GATAD2A: variants seen among roughly 807,000 people sequenced by gnomAD.
GATAD2A encodes GATA zinc finger domain containing 2A.
GATAD2A carries 12 observed loss-of-function variants against 68.5 expected under a neutral mutation model. The ratio of observed to expected loss-of-function variants is 0.18; its 90% CI spans 0.11 to 0.28. The LOEUF is 0.28. Ranked by LOEUF, GATAD2A falls within the 10% of genes least tolerant of loss-of-function variation. The pLI, the probability that GATAD2A is intolerant of heterozygous loss-of-function variation, is 1.00. For missense variants in GATAD2A, 755 were observed against 868.5 expected (o/e 0.87, Z 1.64); for synonymous variants, 410 against 375.3 (o/e 1.09, Z -1.07).
intron 1 of GATAD2A, among the ~76,000 whole-genome samples, chr19:19,430,977 GTGTGTGTGTGTGTGTGTGTGT>G (rs1453354004): frequency 1.1e-4 from 5 of 45,720 alleles, no homozygotes; most frequent in African/African-American, 7.4e-4. Flanking sequence ...TATGGTAGGG[GTGTGTGTGTGTGTGTGTGTGT>G]GTGTGTGTGT....
chr19:19,456,640 C>G (rs766103212), intron 1 of GATAD2A, among the ~76,000 whole-genome samples: 3 of 152,190 alleles, frequency 2.0e-5, no homozygotes, highest in Admixed American at 6.5e-5. Flanking sequence ...TGCGCTACAG[C>G]AGAACTTAAC....
At chr19:19,432,808 G>C (rs985588834) in intron 1 of GATAD2A, among the ~76,000 whole-genome samples, 1 of 152,228 alleles carries the variant, frequency 6.6e-6, no homozygotes, top group African/African-American at 2.4e-5. Flanking sequence ...GCTTGGGTCT[G>C]CAGGCAGTGT....
chr19:19,464,052 C>T (rs2057680693), intron 1 of GATAD2A, among the ~76,000 whole-genome samples: 1 of 152,140 alleles, frequency 6.6e-6, no homozygotes, highest in Non-Finnish European at 1.5e-5. Flanking sequence ...CCTTGTGCTG[C>T]CCCCAGCTTC....
intron 1 of GATAD2A, among the ~76,000 whole-genome samples, chr19:19,422,602 C>A (rs1337305840): frequency 1.3e-5 from 2 of 152,178 alleles, no homozygotes; most frequent in Non-Finnish European, 2.9e-5. Flanking sequence ...TCTGAGGAGC[C>A]CTTGCTCTTC....
chr19:19,463,138 C>T (rs1410311793), intron 1 of GATAD2A, among the ~76,000 whole-genome samples: 2 of 152,156 alleles, frequency 1.3e-5, no homozygotes, highest in African/African-American at 4.8e-5. Flanking sequence ...TCATCTCTCA[C>T]CTAAACAGGC....
intron 2 of GATAD2A, among the ~76,000 whole-genome samples, chr19:19,466,239 A>G (rs1180168687): frequency 2.0e-5 from 3 of 152,174 alleles, no homozygotes; most frequent in Non-Finnish European, 4.4e-5. Context: ...ATAAGACCCA[A>G]TCTACCACCT....
intron 1 of GATAD2A, among the ~76,000 whole-genome samples, chr19:19,425,770 A>G (rs2053001107): frequency 6.6e-6 from 1 of 151,526 alleles, no homozygotes; most frequent in African/African-American, 2.4e-5. Context: ...CAGGGGACAT[A>G]GTGGTTTTCT....
chr19:19,409,653 AT>A (rs1481747166), intron 1 of GATAD2A, among the ~76,000 whole-genome samples: 1 of 152,174 alleles, frequency 6.6e-6, no homozygotes, highest in East Asian at 1.9e-4. Flanking sequence ...AAGGCAGTGT[AT>A]TAAAAATAAG....
At chr19:19,425,656 G>C (rs1224816633) in intron 1 of GATAD2A, among the ~76,000 whole-genome samples, 4 of 152,140 alleles carry the variant, frequency 2.6e-5, no homozygotes, top group African/African-American at 9.7e-5. Context: ...TTTTCACCCA[G>C]CATCTGTGGA....
In GATAD2A at chr19:19,506,191, C is replaced by T. The variant is rs986865594; in HGVS notation, c.*717C>T. 5.0e-5 allele frequency: 20 copies of T among 398,756 alleles called. No individual in the cohort carries two copies. The highest frequency in any genetic ancestry group is 8.4e-5 in the Non-Finnish European group (19 of 225,982). The allele number at this position is 398,756 out of a possible 1,614,324, so 24.7% of individuals were successfully genotyped here. ...GGCAGCCCTCGCTCCAGCTGAACGC[C>T]TCCATTGCTGCTTGTTCTGGAGACC... On this transcript the variant is annotated 3_prime_UTR_variant, in exon 12 of 12. Coordinates refer to ENST00000683918, the MANE Select transcript of GATAD2A (RefSeq NM_001384528.1).
chr19:19,447,170 GGGCATGTGTGGA>G (rs2055823598), intron 1 of GATAD2A, among the ~76,000 whole-genome samples: 1 of 152,136 alleles, frequency 6.6e-6, no homozygotes, highest in Non-Finnish European at 1.5e-5. Context: ...ACCCCCTGGG[GGGCATGTGTGGA>G]GGGGAAGCGT....
rs1159133193 is a variant in GATAD2A at position 19,501,261 on chromosome 19, G to A, written c.1348G>A (p.Ala450Thr). The A allele has an allele frequency of 1.5e-5, 24 of 1,613,404 alleles. No homozygotes were observed. The highest frequency in any genetic ancestry group is 2.2e-5 in the East Asian group (1 of 44,864). The stretch of plus-strand genomic sequence containing the variant: ...CTGCATGACAACCAACCAGAAGAAG[G>A]CGCTCAAGGTGGAGCACACCAGCCG... ...ENCMTTNQKK[A>T]LKVEHTSRLK... Residue 450 changes from alanine to threonine, a missense_variant, in exon 9 of 12, where the codon GCG becomes ACG. Ala to Thr is a moderately conservative substitution (Grantham distance 58, BLOSUM62 0). Coordinates refer to ENST00000683918, the MANE Select transcript of GATAD2A (RefSeq NM_001384528.1).
intron 2 of GATAD2A, among the ~76,000 whole-genome samples, chr19:19,486,625 G>A (rs1350379596): frequency 6.6e-6 from 1 of 152,226 alleles, no homozygotes; most frequent in Non-Finnish European, 1.5e-5. Flanking sequence ...TGCAGGGGAC[G>A]CAGGCTGTCG....
intron 2 of GATAD2A, among the ~76,000 whole-genome samples, chr19:19,483,775 C>T (rs1379213956): frequency 2.0e-5 from 3 of 146,432 alleles, no homozygotes; most frequent in African/African-American, 2.6e-5. Context: ...CCACCATACC[C>T]GGCTAATTTT....
At chr19:19,494,441 C>T in intron 5 of GATAD2A, 58 bp downstream of exon 5, 2 of 1,115,862 alleles carry the variant, frequency 1.8e-6, no homozygotes, top group East Asian at 4.8e-5. Context: ...CTGTCAAGCA[C>T]AGGCTCCTCG....
intron 1 of GATAD2A, among the ~76,000 whole-genome samples, chr19:19,432,411 C>G (rs1463928360): frequency 6.6e-6 from 1 of 152,214 alleles, no homozygotes; most frequent in Non-Finnish European, 1.5e-5. Flanking sequence ...AAGCGATTCT[C>G]CTGCCTCACC....
Position 19,494,145 on chromosome 19 carries a change from C to G in GATAD2A, c.535-149C>G, listed in dbSNP as rs2059988615. 19 of 577,804 alleles carry G rather than the reference C, an allele frequency of 3.3e-5. No homozygotes were observed. The South Asian group carries it at 3.3e-4, about 10-fold the overall frequency. The allele number at this position is 577,804 out of a possible 1,614,324, so 35.8% of individuals were successfully genotyped here. A position where few individuals can be genotyped will look rare whatever the true frequency, so the allele number is the denominator to read the frequency against. On this transcript the variant is annotated intron_variant, in intron 4 of 11. Transcript: ENST00000683918. ...TTCCCACTGCAGATGGGGTCACTTT[C>G]AGCCTTCAAGCAGAACCTCTGAGCG... is the stretch of plus-strand genomic sequence containing the variant.
chr19:19,495,837 A>G lies in GATAD2A; in HGVS notation c.708A>G (p.Pro236=). 1.2e-6 allele frequency: 2 copies of G among 1,613,592 alleles called. No individual in the cohort carries two copies. Among genetic ancestry groups the G allele is most frequent in the Non-Finnish European group, 1.7e-6 (2 of 1,179,904 alleles). The change falls in exon 6 of 12, where the codon CCA becomes CCG. Residue 236 remains proline, a synonymous_variant. Transcript: ENST00000683918. ...AGCAGGCGTCCTCGAAGCTGGGGCC[A>G]CAGGCGAGCTCACAGGTCGTCATGC... ...GGQQASSKLG[P]QASSQVVMPP...
chr19:19,399,428 T>C (rs529228219), intron 1 of GATAD2A, among the ~76,000 whole-genome samples: 99 of 152,198 alleles, frequency 6.5e-4, no homozygotes, highest in African/African-American at 2.2e-3. Flanking sequence ...TGGGCTCAAG[T>C]GATCTGCCCG....
Sources: gnomAD v4.1 joint callset for allele counts (sites outside exome capture counted in the v4.1 genomes callset) on GRCh38, gnomAD v4.1.1 for gene constraint, MANE v1.5 for transcripts, NCBI Gene and HGNC (gene_info 2026-07-23, HGNC 2026-07-21) for gene names.